RIMS2: variants seen among roughly 807,000 people sequenced by gnomAD.
RIMS2 encodes the protein regulating synaptic membrane exocytosis protein 2.
In RIMS2, 59 loss-of-function variants were observed where a neutral mutation model predicts 174.4. The observed-to-expected ratio is 0.34, with a 90% CI of 0.27 to 0.42. The LOEUF (loss-of-function observed/expected upper bound fraction) is 0.42. Ranked by LOEUF, RIMS2 falls within the 10% of genes least tolerant of loss-of-function variation. RIMS2 has a pLI of 1.00. For missense variants in RIMS2, 1,620 were observed against 1,666.3 expected (o/e 0.97, Z 0.48); for synonymous variants, 606 against 572.5 (o/e 1.06, Z -0.84).
At chr8:103,704,695 T>G (rs889900458) in intron 2 of RIMS2, among the ~76,000 whole-genome samples, 5 of 152,128 alleles carry the variant, frequency 3.3e-5, no homozygotes, top group Non-Finnish European at 7.4e-5. Flanking sequence ...GATCCAATCT[T>G]GGTAGGTTGT....
chr8:103,934,694 C>G (rs549517400), intron 12 of RIMS2, among the ~76,000 whole-genome samples: 1 of 148,546 alleles, frequency 6.7e-6, no homozygotes, highest in East Asian at 2.0e-4. Context: ...TTGATATAAA[C>G]CATTCTTTTT....
intron 2 of RIMS2, among the ~76,000 whole-genome samples, chr8:103,700,802 C>G (rs2097158376): frequency 6.6e-6 from 1 of 151,760 alleles, no homozygotes; most frequent in African/African-American, 2.4e-5. Flanking sequence ...GTTATTTTAT[C>G]AAGTTATTCA....
At chr8:104,203,454 C>T (rs1366143000) in intron 19 of RIMS2, among the ~76,000 whole-genome samples, 1 of 142,788 alleles carries the variant, frequency 7.0e-6, no homozygotes, top group African/African-American at 2.6e-5. Context: ...ATTTTTAATA[C>T]AAGTTTTAGG....
chr8:104,000,075 G>A (rs1419006071), intron 17 of RIMS2, among the ~76,000 whole-genome samples: 1 of 151,650 alleles, frequency 6.6e-6, no homozygotes, highest in Non-Finnish European at 1.5e-5. Flanking sequence ...TTGCCCTAGT[G>A]CAACAGAAAC....
At chr8:104,237,280 G>C (rs1390808060) in intron 19 of RIMS2, among the ~76,000 whole-genome samples, 1 of 152,166 alleles carries the variant, frequency 6.6e-6, no homozygotes, top group Non-Finnish European at 1.5e-5. Context: ...TCTATTGTAT[G>C]TATCTGTCAG....
chr8:104,032,218 G>A (rs1337938331), intron 19 of RIMS2, among the ~76,000 whole-genome samples: 2 of 151,834 alleles, frequency 1.3e-5, no homozygotes, highest in Admixed American at 1.3e-4. Flanking sequence ...CCATATATTG[G>A]TAATTATTTA....
intron 3 of RIMS2, among the ~76,000 whole-genome samples, chr8:103,774,879 T>G (rs1200170932): frequency 1.3e-5 from 2 of 152,184 alleles, no homozygotes; most frequent in Non-Finnish European, 2.9e-5. Context: ...CTGTATACTT[T>G]TAACTGCATG....
At chr8:104,213,964 T>A (rs1002287821) in intron 19 of RIMS2, among the ~76,000 whole-genome samples, 3 of 152,138 alleles carry the variant, frequency 2.0e-5, no homozygotes, top group African/African-American at 7.2e-5. Flanking sequence ...TTAATTTGGT[T>A]ACATTGTAGG....
intron 2 of RIMS2, among the ~76,000 whole-genome samples, chr8:103,730,797 T>C (rs1178843305): frequency 6.6e-6 from 1 of 152,236 alleles, no homozygotes; most frequent in Non-Finnish European, 1.5e-5. Flanking sequence ...AGCTTTAGTT[T>C]GTCTGGGGAA....
intron 19 of RIMS2, among the ~76,000 whole-genome samples, chr8:104,046,548 G>T (rs566254799): frequency 6.6e-6 from 1 of 152,030 alleles, no homozygotes; most frequent in Non-Finnish European, 1.5e-5. Context: ...ATTCATTATA[G>T]TAGTAATTTA....
chr8:103,849,232 G>A (rs1342470037), intron 3 of RIMS2, among the ~76,000 whole-genome samples: 1 of 151,984 alleles, frequency 6.6e-6, no homozygotes, highest in Non-Finnish European at 1.5e-5. Flanking sequence ...ATTTCTAGTT[G>A]GCCAGCAAGT....
At chr8:104,196,002 C>A (rs1043004997) in intron 19 of RIMS2, among the ~76,000 whole-genome samples, 2 of 152,118 alleles carry the variant, frequency 1.3e-5, no homozygotes, top group African/African-American at 2.4e-5. Flanking sequence ...GAGAAGATTT[C>A]TTTTTCTTAA....
intron 1 of RIMS2, among the ~76,000 whole-genome samples, chr8:103,605,469 C>A (rs28783117): frequency 6.8e-6 from 1 of 147,124 alleles, no homozygotes; most frequent in Non-Finnish European, 1.5e-5. Flanking sequence ...CTCTTTTTTG[C>A]TTGTGTCTCT....
intron 1 of RIMS2, among the ~76,000 whole-genome samples, chr8:103,610,570 C>T (rs2095333146): frequency 6.6e-6 from 1 of 152,156 alleles, no homozygotes; most frequent in Admixed American, 6.5e-5. Context: ...AAAACCTTTC[C>T]TGCCTCTATT....
At chr8:104,104,587 CG>C (rs1299760820) in intron 19 of RIMS2, among the ~76,000 whole-genome samples, 4 of 152,008 alleles carry the variant, frequency 2.6e-5, no homozygotes, top group African/African-American at 9.7e-5. Flanking sequence ...AAATAGGGTT[CG>C]GGGAGGTAAG....
chr8:104,001,829 C>T (rs1045155205), intron 17 of RIMS2, among the ~76,000 whole-genome samples: 2 of 151,992 alleles, frequency 1.3e-5, no homozygotes, highest in East Asian at 3.9e-4. Context: ...ATATCTTGTA[C>T]CTTTGTATGT....
chr8:104,157,976 A>G lies in RIMS2; in HGVS notation c.3335-86940A>G, dbSNP rs553881260. Among the ~76,000 whole-genome samples the G allele has an allele frequency of 4.6e-5, 7 of 152,272 alleles. 1 individual carries two copies. The highest frequency in any genetic ancestry group is 8.8e-5 in the Non-Finnish European group (6 of 68,024). On this transcript the variant is annotated intron_variant, in intron 19 of 23. Transcript: ENST00000504942. ...TGTGCACAACGTGCAGGTTTGTTAC[A>G]TAGGTATACATGTGCCATGTTGGTT...
At chr8:103,877,072 C>A (rs938473232) in intron 3 of RIMS2, among the ~76,000 whole-genome samples, 1 of 150,674 alleles carries the variant, frequency 6.6e-6, no homozygotes, top group Non-Finnish European at 1.5e-5. Context: ...TGGGTAGATA[C>A]CCAGTTGTGA....
At chr8:104,224,528 G>GT (rs2099173356) in intron 19 of RIMS2, among the ~76,000 whole-genome samples, 2 of 152,266 alleles carry the variant, frequency 1.3e-5, no homozygotes, top group Non-Finnish European at 1.5e-5. Flanking sequence ...CTGGTAAATA[G>GT]TAAGTAGTGT....
Sources: gnomAD v4.1 joint callset for allele counts (sites outside exome capture counted in the v4.1 genomes callset) on GRCh38, gnomAD v4.1.1 for gene constraint, MANE v1.5 for transcripts, NCBI Gene and HGNC (gene_info 2026-07-23, HGNC 2026-07-21) for gene names.